The following LRCH3 variants were observed in gnomAD, a reference collection of about 807,000 sequenced individuals.
LRCH3 encodes leucine rich repeats and calponin homology domain containing 3.
A neutral mutation model predicts 104.5 loss-of-function variants in LRCH3; 68 were observed. The observed-to-expected ratio is 0.65, with a 90% CI of 0.54 to 0.80. The LOEUF (loss-of-function observed/expected upper bound fraction) is 0.80. Ranked by LOEUF, LRCH3 falls within the 30% of genes least tolerant of loss-of-function variation. The pLI is 0.00. For synonymous variants in LRCH3, 344 were observed against 361.3 expected (o/e 0.95, Z 0.54); for missense variants, 951 against 953.9 (o/e 1.00, Z 0.04).
chr3:197,861,204 T>C (rs1332823756), intron 15 of LRCH3, among the ~76,000 whole-genome samples: 1 of 152,362 alleles, frequency 6.6e-6, no homozygotes, highest in East Asian at 1.9e-4. Context: ...GAGCATGCCC[T>C]ACATACCTGG....
At chr3:197,827,092 T>C (rs1381401834) in intron 5 of LRCH3, 78 bp downstream of exon 5, 9 of 1,577,582 alleles carry the variant, frequency 5.7e-6, no homozygotes, top group Middle Eastern at 1.7e-4. Context: ...TGGTGAACCA[T>C]AGTGGAAGCA....
rs1412337494 is a variant in LRCH3, at chr3:197,848,003, T to A, written c.1512T>A (p.Ala504=). The A allele has an allele frequency of 1.2e-6, 2 of 1,614,104 alleles. No homozygotes were observed. Among genetic ancestry groups the A allele is most frequent in the Non-Finnish European group, 8.5e-7 (1 of 1,179,982 alleles). Residue 504 remains alanine (A), a synonymous_variant, in exon 12 of 21, where the codon GCT becomes GCA. Transcript: ENST00000425562. ...GGACCAAGCAGATCCAGAGAGATGC[T>A]GTCCTGGACTTTGTCAAAGTGAGTC... ...KIRTKQIQRD[A]VLDFVKQKAS...
intron 10 of LRCH3, 33 bp from the exon 11 acceptor site, chr3:197,847,376 G>GT (rs756917247): frequency 6.4e-7 from 1 of 1,557,630 alleles, no homozygotes; most frequent in Non-Finnish European, 8.6e-7. Context: ...TTATCAAAGA[G>GT]TTTTTTTCTT....
intron 9 of LRCH3, 100 bp from the exon 10 acceptor site, chr3:197,839,220 AG>A: frequency 1.4e-6 from 1 of 712,596 alleles, no homozygotes; most frequent in Non-Finnish European, 2.3e-6. Context: ...AATGTTTTTT[AG>A]TGTAATATAT....
chr3:197,881,731 TTC>T, intron 20 of LRCH3: 1 of 985,434 alleles, frequency 1.0e-6, no homozygotes, highest in South Asian at 4.7e-5. Context: ...TTCAGGAACC[TTC>T]TGAACTCTGT....
chr3:197,840,406 G>A (rs989443130), intron 10 of LRCH3, among the ~76,000 whole-genome samples: 2 of 152,150 alleles, frequency 1.3e-5, no homozygotes, highest in African/African-American at 2.4e-5. Flanking sequence ...GCAGTGAGCC[G>A]AGATCGCACC....
chr3:197,840,340 G>A (rs994510229), intron 10 of LRCH3, among the ~76,000 whole-genome samples: 6 of 152,174 alleles, frequency 3.9e-5, no homozygotes, highest in Non-Finnish European at 8.8e-5. Flanking sequence ...GGTGGCACAT[G>A]CCTGTAGTCT....
At chr3:197,827,081 C>T in intron 5 of LRCH3, 67 bp downstream of exon 5, 1 of 1,590,118 alleles carries the variant, frequency 6.3e-7, no homozygotes, top group Non-Finnish European at 8.6e-7. Flanking sequence ...GTGGAAGCAT[C>T]TGGTGAACCA....
intron 8 of LRCH3, among the ~76,000 whole-genome samples, chr3:197,835,036 T>G (rs371704605): frequency 6.6e-6 from 1 of 151,892 alleles, no homozygotes; most frequent in Non-Finnish European, 1.5e-5. Flanking sequence ...CCCAGCTACT[T>G]GGGAGGCTGA....
At position 197,888,129 on chromosome 3, in the gene LRCH3, GA is replaced by G. The variant is rs1714381108; in HGVS notation, c.*4465del. The G allele has an allele frequency of 1.3e-5, 2 of 152,204 alleles. No individual in the cohort carries two copies. The highest frequency in any genetic ancestry group is 1.3e-4 in the Admixed American group (2 of 15,278). 9.4% of individuals were successfully genotyped at this position (152,204 alleles called of 1,614,324 possible). ...GTGTGACTATGCGAATGAGTTTGATGAATTCGTAAAAACTAAGCGCTTAAAT... is the reference window on the plus strand; with the variant it reads ...GTGTGACTATGCGAATGAGTTTGATGATTCGTAAAAACTAAGCGCTTAAAT... On this transcript the variant is annotated 3_prime_UTR_variant, in exon 21 of 21. Transcript: ENST00000425562.
At chr3:197,845,040 C>T (rs755497471) in intron 10 of LRCH3, among the ~76,000 whole-genome samples, 1 of 151,990 alleles carries the variant, frequency 6.6e-6, no homozygotes, top group Non-Finnish European at 1.5e-5. Flanking sequence ...AAGGACGGGA[C>T]GCAGATTGGA....
chr3:197,811,100 C>T, intron 1 of LRCH3, among the ~76,000 whole-genome samples: 1 of 152,148 alleles, frequency 6.6e-6, no homozygotes, highest in East Asian at 1.9e-4. Flanking sequence ...GTAACCCACT[C>T]TCATGACTCA....
At chr3:197,833,465 G>A (rs978093488) in intron 8 of LRCH3, among the ~76,000 whole-genome samples, 1 of 148,094 alleles carries the variant, frequency 6.8e-6, no homozygotes, top group Non-Finnish European at 1.5e-5. Context: ...TTGAACTCGG[G>A]AGGTGGAGGT....
Position 197,835,736 on chromosome 3 carries a change from G to A in LRCH3, c.1165G>A (p.Glu389Lys), listed in dbSNP as rs368401680. Residue 389 changes from glutamate (E) to lysine (K), a missense_variant, in exon 9 of 21, where the codon GAG (glutamate) becomes AAG (lysine). Glu to Lys is a moderately conservative substitution (Grantham distance 56, BLOSUM62 1). Coordinates refer to ENST00000425562, the MANE Select transcript of LRCH3 (RefSeq NM_001365715.1). ...CTGCACCGCAGAGGAAGAGGAGGCC[G>A]AGGTGAGACAGCCCAAGGGACCAGA... ...DSCTAEEEEAEVRQPKGPDPD... is the reference protein window; with the variant it reads ...DSCTAEEEEAKVRQPKGPDPD... 1.9e-4 allele frequency: 302 copies of A among 1,613,862 alleles called. No homozygotes were observed. The highest frequency in any genetic ancestry group is 2.4e-4 in the Non-Finnish European group (283 of 1,180,012).
At chr3:197,817,360 G>GTGTGTGTGTGTATA in intron 3 of LRCH3, 58 bp downstream of exon 3, 7 of 90,012 alleles carry the variant, frequency 7.8e-5, no homozygotes, top group African/African-American at 6.0e-4. Context: ...GTGTGTGTGT[G>GTGTGTGTGTGTATA]TATATATATA....
At chr3:197,809,133 AC>A (rs1046334168) in intron 1 of LRCH3, among the ~76,000 whole-genome samples, 1 of 151,886 alleles carries the variant, frequency 6.6e-6, no homozygotes, top group Non-Finnish European at 1.5e-5. Context: ...CGTCTTCTCT[AC>A]CAAAAATACA....
At position 197,882,052 on chromosome 3, in the gene LRCH3, GAAACACCTGTTAAA is replaced by G. The variant is rs1425822898; in HGVS notation, c.2209-1482_2209-1469del. 4 of 985,302 alleles carry G rather than the reference GAAACACCTGTTAAA, an allele frequency of 4.1e-6. No homozygotes were observed. In the Admixed American group the frequency reaches 1.8e-4, roughly 45 times the overall value. 61.0% of individuals were successfully genotyped at this position (985,302 alleles called of 1,614,324 possible). On this transcript the variant is annotated intron_variant, in intron 20 of 20. Transcript: ENST00000425562. ...TATATTTTTAAGATGTCTCAGAGTT[GAAACACCTGTTAAA>G]AAACACACACAGGCTCTCATGTGGT... is the stretch of plus-strand genomic sequence containing the variant.
At chr3:197,880,086 C>T (rs1370726627) in intron 20 of LRCH3, among the ~76,000 whole-genome samples, 1 of 151,244 alleles carries the variant, frequency 6.6e-6, no homozygotes, top group Non-Finnish European at 1.5e-5. Context: ...GCTGGGACTA[C>T]AGGCGCCCGC....
intron 20 of LRCH3, among the ~76,000 whole-genome samples, chr3:197,878,154 G>A (rs1560061281): frequency 6.6e-6 from 1 of 152,282 alleles, no homozygotes; most frequent in African/African-American, 2.4e-5. Context: ...ATAGACAGGA[G>A]AGTGCTGAAA....
Sources: gnomAD v4.1 joint callset for allele counts (sites outside exome capture counted in the v4.1 genomes callset) on GRCh38, gnomAD v4.1.1 for gene constraint, MANE v1.5 for transcripts, NCBI Gene and HGNC (gene_info 2026-07-23, HGNC 2026-07-21) for gene names.